Variants in ANKRD11 observed in about 807,000 individuals in gnomAD.
ANKRD11 encodes ankyrin repeat domain-containing protein 11.
Under a neutral mutation model 195.7 loss-of-function variants are expected in ANKRD11, and 17 were observed. The ratio of observed to expected loss-of-function variants is 0.09; its 90% CI spans 0.06 to 0.13. The LOEUF (loss-of-function observed/expected upper bound fraction) is 0.13. Among genes scored for constraint, ANKRD11 ranks in the 10% least tolerant of loss-of-function variants. The pLI, the probability that ANKRD11 is intolerant of heterozygous loss-of-function variation, is 1.00. For missense variants in ANKRD11, 3,735 were observed against 3,566.1 expected (o/e 1.05, Z -1.21); for synonymous variants, 1,953 against 1,528.1 (o/e 1.28, Z -6.49).
At chr16:89,323,295 T>C (rs748038927) in intron 2 of ANKRD11, 1 of 1,288,712 alleles carries the variant, frequency 7.8e-7, no homozygotes, top group South Asian at 1.2e-5. Context: ...AGCCCTTGAG[T>C]GACACACCCT....
At position 89,283,711 on chromosome 16, in the gene ANKRD11, G is replaced by A. The variant is rs1031755247; in HGVS notation, c.2831C>T (p.Ser944Phe). The change falls in exon 9 of 13, where the codon TCC (serine) becomes TTC (phenylalanine). Residue 944 changes from serine to phenylalanine, a missense_variant. By Grantham distance (155) the Ser-to-Phe change is radical. Coordinates refer to ENST00000301030, the MANE Select transcript of ANKRD11 (RefSeq NM_013275.6). The surrounding 1 kb of genome is among the most constrained non-coding windows in gnomAD (Gnocchi z 4.3). ...LSEKDKKRRE[S>F]AEAGRDRKDA... is the part of the protein sequence containing the mutation. ...CTTTCTGTCCCGCCCGGCCTCTGCG[G>A]ACTCTCTCCTCTTCTTGTCCTTTTC... is the stretch of plus-strand genomic sequence containing the variant. 6.2e-7 allele frequency: 1 copy of A among 1,613,648 alleles called. No individual in the cohort carries two copies. The highest frequency in any genetic ancestry group is 1.7e-5 in the Admixed American group (1 of 60,030).
Position 89,284,148 on chromosome 16 carries a change from A to G in ANKRD11, c.2394T>C (p.Asp798=). ...SKEKEKIFKE[D]KEKLKKEKVY... ...CCTTTTCTTTTTTGAGTTTTTCTTTATCTTCTTTAAAAATCTTCTCCTTCT... is the reference window on the plus strand; with the variant it reads ...CCTTTTCTTTTTTGAGTTTTTCTTTGTCTTCTTTAAAAATCTTCTCCTTCT... The change falls in exon 9 of 13, where the codon GAT becomes GAC. Residue 798 remains aspartate, a synonymous_variant. Transcript: ENST00000301030. 6.2e-7 allele frequency: 1 copy of G among 1,605,166 alleles called. No individual in the cohort carries two copies. The highest frequency in any genetic ancestry group is 1.1e-5 in the South Asian group (1 of 88,034).
At chr16:89,334,556 G>A (rs1192626914) in intron 2 of ANKRD11, among the ~76,000 whole-genome samples, 2 of 152,058 alleles carry the variant, frequency 1.3e-5, no homozygotes, top group Admixed American at 1.3e-4. Context: ...CAGTGGGCAT[G>A]CGGCATGCTA....
chr16:89,358,758 C>A (rs548165940), intron 2 of ANKRD11, among the ~76,000 whole-genome samples: 6 of 152,184 alleles, frequency 3.9e-5, no homozygotes, highest in Non-Finnish European at 7.3e-5. Context: ...GATAACCCCA[C>A]GTGCAAACCA....
At chr16:89,316,832 C>A in intron 3 of ANKRD11, 101 bp downstream of exon 3, 1 of 1,400,804 alleles carries the variant, frequency 7.1e-7, no homozygotes, top group South Asian at 1.2e-5. Flanking sequence ...GAGGAAAGGG[C>A]CGGAGGGCGG....
At chr16:89,336,819 G>C (rs2151981423) in intron 2 of ANKRD11, among the ~76,000 whole-genome samples, 1 of 152,206 alleles carries the variant, frequency 6.6e-6, no homozygotes, top group South Asian at 2.1e-4. Context: ...ATAAAGGAAT[G>C]TCTTTCCATT....
chr16:89,290,886 ATCT>A, intron 5 of ANKRD11, 58 bp from the exon 6 acceptor site: 1 of 1,610,350 alleles, frequency 6.2e-7, no homozygotes, highest in Non-Finnish European at 8.5e-7. Flanking sequence ...GCTTTGTCCA[ATCT>A]TCAAGAGCCC....
chr16:89,401,713 C>T (rs764278341), intron 2 of ANKRD11, among the ~76,000 whole-genome samples: 2 of 152,150 alleles, frequency 1.3e-5, no homozygotes, highest in Admixed American at 6.5e-5. Context: ...GGTGAGATCG[C>T]TAGGGTGGGC....
intron 2 of ANKRD11, among the ~76,000 whole-genome samples, chr16:89,331,907 C>T (rs577926414): frequency 1.2e-4 from 18 of 152,276 alleles, no homozygotes; most frequent in African/African-American, 4.3e-4. Context: ...GGCTCCTGCA[C>T]GTGGGCCCCA....
chr16:89,271,782 G>A (rs1046006676), intron 11 of ANKRD11: 3 of 152,080 alleles, frequency 2.0e-5, no homozygotes, highest in Non-Finnish European at 2.9e-5. Flanking sequence ...GACCTTAAAC[G>A]ATGAAACCAC....
intron 4 of ANKRD11, chr16:89,297,387 A>C (rs2035508964): frequency 6.6e-6 from 1 of 152,198 alleles, no homozygotes; most frequent in South Asian, 2.1e-4. Flanking sequence ...CAGCTCATGG[A>C]ACTGATGGGC....
intron 1 of ANKRD11, among the ~76,000 whole-genome samples, chr16:89,427,580 T>C (rs1344834701): frequency 1.3e-5 from 2 of 152,166 alleles, no homozygotes; most frequent in African/African-American, 4.8e-5. Flanking sequence ...GAGGATCACT[T>C]GATGTCAGGA....
In ANKRD11 at chr16:89,279,976, G is replaced by A. The variant is rs1851253884; in HGVS notation, c.6566C>T (p.Ala2189Val). 3.1e-6 allele frequency: 5 copies of A among 1,610,808 alleles called. No homozygotes were observed. The highest frequency in any genetic ancestry group is 2.2e-5 in the South Asian group (2 of 91,080). Residue 2189 changes from alanine to valine, a missense_variant, in exon 9 of 13, where the codon GCA (alanine) becomes GTA (valine). Physicochemically the swap from Ala to Val is moderately conservative, Grantham distance 64. Coordinates refer to ENST00000301030, the MANE Select transcript of ANKRD11 (RefSeq NM_013275.6). This position sits in a 1 kb window ranked among gnomAD's most constrained non-coding sequence, Gnocchi z 5.6. ...VSTVVAEEPP[A>V]LPPDQASTRL... ...GGTGGAGGCCTGGTCAGGAGGCAGTGCCGGCGGCTCCTCAGCCACTACGGT... is the reference window on the plus strand; with the variant it reads ...GGTGGAGGCCTGGTCAGGAGGCAGTACCGGCGGCTCCTCAGCCACTACGGT...
In ANKRD11 at chr16:89,315,332, G is replaced by C. The variant is rs72803332; in HGVS notation, c.87+1601C>G. On this transcript the variant is annotated intron_variant, in intron 3 of 12. Coordinates refer to ENST00000301030, the MANE Select transcript of ANKRD11 (RefSeq NM_013275.6). ...GAGATGAGGAAGATGAGGCCAGGGC[G>C]GCGACGTGAAGCTATCCCAACACTC... Among the ~76,000 whole-genome samples the C allele has an allele frequency of 8.7e-3, 1,326 of 152,256 alleles. 14 individuals carry two copies. The highest frequency in any genetic ancestry group is 0.019 in the Admixed American group (295 of 15,296).
At chr16:89,484,343 T>C (rs1225994181) in intron 1 of ANKRD11, among the ~76,000 whole-genome samples, 1 of 152,182 alleles carries the variant, frequency 6.6e-6, no homozygotes, top group Non-Finnish European at 1.5e-5. Context: ...CCTTCTCTAT[T>C]TTAGATAAGT....
At chr16:89,339,476 C>T (rs1163148387) in intron 2 of ANKRD11, among the ~76,000 whole-genome samples, 1 of 144,202 alleles carries the variant, frequency 6.9e-6, no homozygotes, top group South Asian at 2.3e-4. Context: ...GCCCTGAGTG[C>T]ACGCAGCGCA....
At chr16:89,391,257 C>A (rs1047532891) in intron 2 of ANKRD11, among the ~76,000 whole-genome samples, 2 of 151,270 alleles carry the variant, frequency 1.3e-5, no homozygotes, top group Non-Finnish European at 1.5e-5. Context: ...AATGATTGAA[C>A]CCAAGGAGGG....
chr16:89,274,759 G>T lies in ANKRD11; in HGVS notation c.7713+55C>A, dbSNP rs182655301. 1.5e-3 allele frequency: 2,370 copies of T among 1,600,254 alleles called. 31 individuals are homozygous for T. The African/African-American group carries it at 0.027, about 18-fold the overall frequency. Reference sequence around the variant, plus strand: ...GCAGAATCTATCAAGGGGAGGGGAGGCGGGCAGGGTGCAGGCACTTGGACT... The same window carrying T: ...GCAGAATCTATCAAGGGGAGGGGAGTCGGGCAGGGTGCAGGCACTTGGACT... On this transcript the variant is annotated intron_variant, in intron 11 of 12. Transcript: ENST00000301030.
chr16:89,433,483 C>T (rs542784360), intron 1 of ANKRD11, among the ~76,000 whole-genome samples: 2 of 152,346 alleles, frequency 1.3e-5, no homozygotes, highest in East Asian at 1.9e-4. Context: ...AACAGAGACA[C>T]GGCGTTGGCC....
Sources: allele counts gnomAD v4.1 joint callset (sites outside exome capture counted in the v4.1 genomes callset), GRCh38; gene constraint gnomAD v4.1.1; non-coding constraint Gnocchi (gnomAD v3.1); transcripts MANE v1.5; gene names NCBI Gene and HGNC (gene_info 2026-07-23, HGNC 2026-07-21).